Variants in LRRC18 observed in about 807,000 individuals in gnomAD.
LRRC18 encodes the protein leucine rich repeat containing 18, also known as leucine-rich repeat-containing protein 18.
LRRC18 carries 12 observed loss-of-function variants against 11.2 expected under a neutral mutation model. The observed-to-expected ratio is 1.07, with a 90% confidence interval of 0.69 to 1.74. The LOEUF (loss-of-function observed/expected upper bound fraction) is 1.74, where lower values mean the gene tolerates loss of function less well. Among genes scored for constraint, LRRC18 ranks in the 40% most tolerant of loss-of-function variants. The pLI is 0.00. For synonymous variants in LRRC18, 155 were observed against 130.6 expected (o/e 1.19, Z -1.27); for missense variants, 374 against 330.5 (o/e 1.13, Z -1.02).
chr10:48,924,910 C>T, the LRRC18 span, among the ~76,000 whole-genome samples: 1 of 152,148 alleles, frequency 6.6e-6, no homozygotes, highest in Non-Finnish European at 1.5e-5. Flanking sequence ...TTCTGACATC[C>T]CTAAATAGCT....
chr10:48,927,353 T>C, the LRRC18 span, among the ~76,000 whole-genome samples: 2 of 152,202 alleles, frequency 1.3e-5, no homozygotes, highest in Non-Finnish European at 1.5e-5. Context: ...GTGGTAGGAA[T>C]ATCCCTCCTA....
chr10:48,933,685 G>A, the LRRC18 span, among the ~76,000 whole-genome samples: 4 of 152,168 alleles, frequency 2.6e-5, no homozygotes, highest in African/African-American at 9.7e-5. Flanking sequence ...ATACTAGTAG[G>A]GAGCTCAGAA....
chr10:48,914,200 A>G lies in LRRC18; in HGVS notation c.-45T>C, dbSNP rs757320585. ...GTTAGAAGTTTATTGTTCTGATTGG[A>G]TAGTGATCAGTGTGAGGAAAAATCA... On this transcript the variant is annotated 5_prime_UTR_variant, in exon 1 of 2. Transcript: ENST00000374160. The G allele has an allele frequency of 2.9e-5, 45 of 1,571,466 alleles. 1 individual carries two copies. The South Asian group carries it at 4.8e-4, about 17-fold the overall frequency.
the LRRC18 span, among the ~76,000 whole-genome samples, chr10:48,931,178 T>C: frequency 2.0e-5 from 3 of 152,040 alleles, no homozygotes; most frequent in African/African-American, 7.2e-5. Context: ...GTGGGAGTTA[T>C]TCACTGGAGC....
At chr10:48,911,035 T>C (rs2133470752) in intron 1 of LRRC18, 1 of 358,860 alleles carries the variant, frequency 2.8e-6, no homozygotes, top group Middle Eastern at 1.4e-3. Context: ...GCACTGTCTG[T>C]CTCAATCATA....
chr10:48,915,971 A>T (rs1652528571), upstream of LRRC18, among the ~76,000 whole-genome samples: 1 of 152,228 alleles, frequency 6.6e-6, no homozygotes. Context: ...ACCAGATAGG[A>T]TAAAACAGCT....
At chr10:48,912,070 C>T (rs1011566392) in intron 1 of LRRC18, among the ~76,000 whole-genome samples, 1 of 152,220 alleles carries the variant, frequency 6.6e-6, no homozygotes, top group African/African-American at 2.4e-5. Flanking sequence ...AAAAGCCTCC[C>T]TCAAGGTATC....
At chr10:48,919,721 C>A in the LRRC18 span, among the ~76,000 whole-genome samples, 1 of 152,202 alleles carries the variant, frequency 6.6e-6, no homozygotes, top group African/African-American at 2.4e-5. Context: ...GAAGTCTCCA[C>A]CCTCAAGATC....
At chr10:48,917,672 T>C (rs1196294823), upstream of LRRC18, among the ~76,000 whole-genome samples, 1 of 152,150 alleles carries the variant, frequency 6.6e-6, no homozygotes, top group Non-Finnish European at 1.5e-5. Context: ...AATAAAGACA[T>C]TATCAGATGA....
At chr10:48,910,124 G>A in exon 2 of LRRC18, 1 of 1,028,858 alleles carries the variant, frequency 9.7e-7, no homozygotes, top group South Asian at 1.3e-5. Flanking sequence ...CGGCGAGCCT[G>A]GTTTCCAGAA....
the LRRC18 span, among the ~76,000 whole-genome samples, chr10:48,925,229 G>T: frequency 6.6e-6 from 1 of 152,150 alleles, no homozygotes; most frequent in Non-Finnish European, 1.5e-5. Context: ...GTGACCTCCC[G>T]AGTGGCTTCA....
the LRRC18 span, among the ~76,000 whole-genome samples, chr10:48,925,731 G>A: frequency 1.3e-5 from 2 of 152,118 alleles, no homozygotes; most frequent in Non-Finnish European, 2.9e-5. Flanking sequence ...GAGAGATGCA[G>A]AAGCAGGGGT....
intron 1 of LRRC18, chr10:48,910,932 C>A: frequency 1.0e-6 from 1 of 984,428 alleles, no homozygotes; most frequent in Non-Finnish European, 1.2e-6. Context: ...CTTTGCTGAA[C>A]CTTTTGAATA....
At chr10:48,920,060 G>A in the LRRC18 span, among the ~76,000 whole-genome samples, 1 of 151,818 alleles carries the variant, frequency 6.6e-6, no homozygotes, top group Non-Finnish European at 1.5e-5. Context: ...ATAAATGACA[G>A]CCCAAACTTA....
chr10:48,913,598 T>G (rs752371206), exon 1 of LRRC18: 2 of 1,614,162 alleles, frequency 1.2e-6, no homozygotes, highest in Non-Finnish European at 1.7e-6. Context: ...CTATGAATAT[T>G]TCCGACTCAC....
At chr10:48,937,437 C>T in the LRRC18 span, among the ~76,000 whole-genome samples, 80 of 152,272 alleles carry the variant, frequency 5.3e-4, no homozygotes, top group African/African-American at 1.7e-3. Context: ...GAACAGTCAG[C>T]GTGTCGGTGT....
At chr10:48,910,549 C>T (rs767440786) in intron 1 of LRRC18, among the ~76,000 whole-genome samples, 2 of 152,176 alleles carry the variant, frequency 1.3e-5, no homozygotes, top group African/African-American at 2.4e-5. Flanking sequence ...AAATAGAATG[C>T]GGAAGATGCC....
intron 1 of LRRC18, 106 bp downstream of exon 3, chr10:48,913,286 G>C: frequency 1.9e-6 from 2 of 1,061,760 alleles, no homozygotes; most frequent in Non-Finnish European, 2.7e-6. Context: ...GGCTGAAAGA[G>C]CTGCTGCAGC....
chr10:48,921,897 G>T, the LRRC18 span, among the ~76,000 whole-genome samples: 5,208 of 152,246 alleles, frequency 0.034, 223 homozygotes, highest in African/African-American at 0.1. Flanking sequence ...TCTCTTGGAA[G>T]ACACTTCGGA....
Sources: gnomAD v4.1 joint callset for allele counts (sites outside exome capture counted in the v4.1 genomes callset) on GRCh38, gnomAD v4.1.1 for gene constraint, MANE v1.5 for transcripts, NCBI Gene and HGNC (gene_info 2026-07-23, HGNC 2026-07-21) for gene names.